The following CFAP299 variants were observed in gnomAD, a reference collection of about 807,000 sequenced individuals.
The protein encoded by CFAP299 is cilia and flagella associated protein 299.
CFAP299 carries 21 observed loss-of-function variants against 27.0 expected under a neutral mutation model. The ratio of observed to expected loss-of-function variants is 0.78; its 90% CI spans 0.55 to 1.12. CFAP299 has a LOEUF of 1.12. CFAP299 is among the 50% of genes most tolerant of loss of function. The pLI is 0.00. For missense variants in CFAP299, 310 were observed against 276.6 expected (o/e 1.12, Z -0.86); for synonymous variants, 104 against 98.1 (o/e 1.06, Z -0.36).
rs1310155485 is a variant in CFAP299 at position 80,437,618 on chromosome 4, A to G, written c.242+74734A>G. Among the ~76,000 whole-genome samples, 2 of 152,142 alleles carry G rather than the reference A, an allele frequency of 1.3e-5. 1 individual carries two copies. Among genetic ancestry groups the G allele is most frequent in the Non-Finnish European group, 2.9e-5 (2 of 68,026 alleles). On this transcript the variant is annotated intron_variant, in intron 2 of 5. Transcript: ENST00000358105. Reference sequence around the variant, plus strand: ...ATGCCTGTCCTTTGCTCCAGAGGGGAGACACTATCTCCATCTACCAGAGTT... The same window carrying G: ...ATGCCTGTCCTTTGCTCCAGAGGGGGGACACTATCTCCATCTACCAGAGTT...
rs377297319 is a variant in CFAP299 at position 80,493,551 on chromosome 4, G to A, written c.243-89542G>A. ...TAGAGCAGGTGATAGGAAAGAGTCA[G>A]GGTGGAGTAGGTAATCGAAAAAGGT... On this transcript the variant is annotated intron_variant, in intron 2 of 5. Transcript: ENST00000358105. Among the ~76,000 whole-genome samples, 11 of 152,240 alleles carry A rather than the reference G, an allele frequency of 7.2e-5. No homozygotes were observed. In the East Asian group the frequency reaches 1.2e-3, roughly 16 times the overall value.
chr4:80,556,486 A>G (rs375531416), intron 2 of CFAP299, among the ~76,000 whole-genome samples: 3 of 152,160 alleles, frequency 2.0e-5, no homozygotes, highest in African/African-American at 7.2e-5. Flanking sequence ...CCTGGAACAC[A>G]TATGAACAAC....
chr4:80,491,801 G>A (rs1731149614), intron 2 of CFAP299, among the ~76,000 whole-genome samples: 1 of 152,036 alleles, frequency 6.6e-6, no homozygotes, highest in African/African-American at 2.4e-5. Context: ...CCCAAAACAT[G>A]TTTCTTTGCC....
intron 2 of CFAP299, among the ~76,000 whole-genome samples, chr4:80,446,894 G>A (rs1728641069): frequency 6.6e-6 from 1 of 152,138 alleles, no homozygotes; most frequent in Admixed American, 6.5e-5. Context: ...ATGGATCGTG[G>A]CTTTTCAGAT....
At chr4:80,495,179 A>G (rs1578514217) in intron 2 of CFAP299, among the ~76,000 whole-genome samples, 2 of 152,222 alleles carry the variant, frequency 1.3e-5, no homozygotes, top group East Asian at 3.8e-4. Flanking sequence ...TATAGTATTA[A>G]CTTAGGTTTT....
At chr4:80,703,374 T>C (rs1327573297) in intron 3 of CFAP299, among the ~76,000 whole-genome samples, 1 of 151,644 alleles carries the variant, frequency 6.6e-6, no homozygotes, top group Non-Finnish European at 1.5e-5. Context: ...AATAAGCATG[T>C]CTTTAGTTCT....
chr4:80,350,748 A>C (rs111244324), intron 1 of CFAP299, among the ~76,000 whole-genome samples: 8,606 of 152,160 alleles, frequency 0.057, 730 homozygotes, highest in African/African-American at 0.18. Flanking sequence ...ACGCACGGAC[A>C]CACAGAGGGG....
intron 3 of CFAP299, among the ~76,000 whole-genome samples, chr4:80,673,716 A>C (rs1337121612): frequency 6.6e-6 from 1 of 152,088 alleles, no homozygotes; most frequent in Non-Finnish European, 1.5e-5. Context: ...GGGTGCATAT[A>C]TGTTTAGGAT....
At chr4:80,861,494 C>T (rs1339696384) in intron 3 of CFAP299, among the ~76,000 whole-genome samples, 10 of 152,204 alleles carry the variant, frequency 6.6e-5, no homozygotes, top group Admixed American at 5.9e-4. Context: ...AATCACCCGT[C>T]TTCTGCGTCA....
At chr4:80,935,120 C>T (rs577089289) in intron 4 of CFAP299, among the ~76,000 whole-genome samples, 1 of 151,920 alleles carries the variant, frequency 6.6e-6, no homozygotes, top group Non-Finnish European at 1.5e-5. Flanking sequence ...TGGTTTCTTC[C>T]TTGACCTGTT....
At chr4:80,841,374 C>A (rs1356671487) in intron 3 of CFAP299, among the ~76,000 whole-genome samples, 1 of 151,984 alleles carries the variant, frequency 6.6e-6, no homozygotes, top group East Asian at 1.9e-4. Context: ...TCAAAATGAC[C>A]ATACAAAAGT....
intron 4 of CFAP299, among the ~76,000 whole-genome samples, chr4:80,927,284 C>CA (rs1736354579): frequency 6.6e-6 from 1 of 151,996 alleles, no homozygotes; most frequent in Admixed American, 6.6e-5. Flanking sequence ...ACCTTAAGTA[C>CA]AAAATGAGGT....
intron 3 of CFAP299, among the ~76,000 whole-genome samples, chr4:80,803,595 T>C (rs1278748273): frequency 1.3e-5 from 2 of 151,794 alleles, no homozygotes; most frequent in Non-Finnish European, 2.9e-5. Flanking sequence ...CTTCCTCCAA[T>C]AGAAACATGA....
At chr4:80,735,656 A>G (rs1723815444) in intron 3 of CFAP299, among the ~76,000 whole-genome samples, 1 of 152,128 alleles carries the variant, frequency 6.6e-6, no homozygotes, top group South Asian at 2.1e-4. Flanking sequence ...GGGATGTTCA[A>G]CTTTATTAAA....
At chr4:80,914,687 T>G (rs1309039742) in intron 4 of CFAP299, among the ~76,000 whole-genome samples, 1 of 152,212 alleles carries the variant, frequency 6.6e-6, no homozygotes, top group East Asian at 1.9e-4. Flanking sequence ...GGTTATTTAT[T>G]TCCTCAGTGG....
At chr4:80,693,701 A>T (rs1720903273) in intron 3 of CFAP299, among the ~76,000 whole-genome samples, 2 of 148,400 alleles carry the variant, frequency 1.3e-5, no homozygotes, top group Non-Finnish European at 3.0e-5. Flanking sequence ...TAATAATTTA[A>T]AAAAAAAAAA....
At chr4:80,817,627 C>T (rs1729486905) in intron 3 of CFAP299, among the ~76,000 whole-genome samples, 1 of 151,970 alleles carries the variant, frequency 6.6e-6, no homozygotes, top group Non-Finnish European at 1.5e-5. Context: ...AGAGCAGGTA[C>T]CATCATCAAT....
intron 4 of CFAP299, chr4:80,870,879 C>T (rs1733045028): frequency 3.0e-6 from 3 of 985,204 alleles, no homozygotes; most frequent in Middle Eastern, 5.2e-4. Flanking sequence ...CTGATATTAT[C>T]TGAAGACTTC....
chr4:80,655,787 G>A (rs551998782), intron 3 of CFAP299, among the ~76,000 whole-genome samples: 30 of 152,148 alleles, frequency 2.0e-4, no homozygotes, highest in Non-Finnish European at 4.0e-4. Context: ...TATAAACATG[G>A]GGCCCCAGGA....
Sources: gnomAD v4.1 joint callset for allele counts (sites outside exome capture counted in the v4.1 genomes callset) on GRCh38, gnomAD v4.1.1 for gene constraint, MANE v1.5 for transcripts, NCBI Gene and HGNC (gene_info 2026-07-23, HGNC 2026-07-21) for gene names.